SLC24A5: variants seen among roughly 807,000 people sequenced by gnomAD.
SLC24A5 encodes the protein sodium/potassium/calcium exchanger 5.
In SLC24A5, 46 loss-of-function variants were observed where a neutral mutation model predicts 51.6. That is an observed-to-expected ratio of 0.89 (90% CI 0.70 to 1.14). The LOEUF (loss-of-function observed/expected upper bound fraction) is 1.14. SLC24A5 is among the 50% of genes most tolerant of loss of function. SLC24A5 has a pLI of 0.00. For missense variants in SLC24A5, 581 were observed against 604.1 expected, an observed-to-expected ratio of 0.96 and a Z score of 0.40; for synonymous variants, 230 against 214.9, an observed-to-expected ratio of 1.07 and a Z score of -0.62.
rs752402074 is a variant in SLC24A5 at position 48,139,072 on chromosome 15, T to C, written c.975T>C (p.Cys325=). ...ITLLFLTTPD[C]RKKFWKNYFV... ...TACTTTTTCTAACCACACCAGATTG[T>C]AGAAAAAAGTTTTGGAAAAACTACT... Residue 325 remains cysteine, a synonymous_variant, in exon 7 of 9, where the codon TGT becomes TGC. Coordinates refer to ENST00000341459, the MANE Select transcript of SLC24A5 (RefSeq NM_205850.3). 15 of 1,612,968 alleles carry C rather than the reference T, an allele frequency of 9.3e-6. No homozygotes were observed. The highest frequency in any genetic ancestry group is 1.7e-5 in the Admixed American group (1 of 59,970).
At chr15:48,137,127 C>T (rs2038920773) in intron 6 of SLC24A5, 164 bp downstream of exon 6, 1 of 645,594 alleles carries the variant, frequency 1.5e-6, no homozygotes, top group African/African-American at 1.8e-5. Context: ...TCCAATATCA[C>T]AGGAAATACA....
intron 6 of SLC24A5, chr15:48,137,363 GCA>G (rs2038926721): frequency 6.1e-6 from 1 of 163,060 alleles, no homozygotes; most frequent in African/African-American, 2.4e-5. Context: ...CATAAATGAT[GCA>G]GAGATAAAAC....
chr15:48,125,226 G>A (rs2038719004), intron 2 of SLC24A5, among the ~76,000 whole-genome samples: 3 of 150,420 alleles, frequency 2.0e-5, no homozygotes, highest in Admixed American at 2.0e-4. Context: ...AGTTACTTAT[G>A]ATAAAATTAT....
chr15:48,129,450 A>G (rs1433206232), intron 2 of SLC24A5, among the ~76,000 whole-genome samples: 1 of 152,120 alleles, frequency 6.6e-6, no homozygotes, highest in Admixed American at 6.5e-5. Flanking sequence ...ATGACTACTC[A>G]CCATGGTCAC....
chr15:48,141,094 A>AAAT lies in SLC24A5; in HGVS notation c.1079-17_1079-15dup. ...GTGAATCTTTAAGATTTGTAACTTG[A>AAAT]AATATCTGTTTATTACAGGGGAAAC... On this transcript the variant is annotated intron_variant, in intron 7 of 8. Transcript: ENST00000341459. 1 of 1,580,200 alleles carries AAAT rather than the reference A, an allele frequency of 6.3e-7. No homozygotes were observed. The highest frequency in any genetic ancestry group is 8.7e-7 in the Non-Finnish European group (1 of 1,152,314).
In SLC24A5 at chr15:48,141,205, G is replaced by A. The variant is rs367783392; in HGVS notation, c.1171G>A (p.Ala391Thr). Residue 391 changes from alanine to threonine, a missense_variant, in exon 8 of 9, where the codon GCA (alanine) becomes ACA (threonine). Ala to Thr is a moderately conservative substitution (Grantham distance 58). Transcript: ENST00000341459. ...AGACACAATTGCAAGTGTGTTGGTT[G>A]CAAGAAAAGGTAAGAACTAGGTCCC... is the stretch of plus-strand genomic sequence containing the variant. ...IPDTIASVLV[A>T]RKGKGDMAMS... is the part of the protein sequence containing the mutation. 3.1e-6 allele frequency: 5 copies of A among 1,612,510 alleles called. No individual in the cohort carries two copies. The African/African-American group carries it at 6.7e-5, about 22-fold the overall frequency.
rs1042012316 is a variant in SLC24A5, at chr15:48,134,215, C to A, written c.302-43C>A. 9 of 1,531,182 alleles carry A rather than the reference C, an allele frequency of 5.9e-6. No homozygotes were observed. The African/African-American group carries it at 1.3e-4, about 22-fold the overall frequency. 94.8% of individuals were successfully genotyped at this position (1,531,182 alleles called of 1,614,324 possible). A position where few individuals can be genotyped will look rare whatever the true frequency, so the allele number is the denominator to read the frequency against. ...TTGTGTTTAGTTGTAAAGACATACT[C>A]TTTCACTTTATTAGGCATAACAATC... On this transcript the variant is annotated intron_variant, in intron 2 of 8. Coordinates refer to ENST00000341459, the MANE Select transcript of SLC24A5 (RefSeq NM_205850.3).
chr15:48,122,423 C>G, intron 2 of SLC24A5: 1 of 305,198 alleles, frequency 3.3e-6, no homozygotes, highest in Non-Finnish European at 6.0e-6. Flanking sequence ...TTTATTTTTA[C>G]TCTAAGCTCG....
At position 48,141,190 on chromosome 15, in the gene SLC24A5, G is replaced by C; in HGVS notation, c.1156G>C (p.Ala386Pro). The change falls in exon 8 of 9, where the codon GCA becomes CCA. Residue 386 changes from alanine (A) to proline (P), a missense_variant. By Grantham distance (27) the Ala-to-Pro change is conservative. Transcript: ENST00000341459. ...AGGAACAAGCATACCAGACACAATTGCAAGTGTGTTGGTTGCAAGAAAAGG... is the reference window on the plus strand; with the variant it reads ...AGGAACAAGCATACCAGACACAATTCCAAGTGTGTTGGTTGCAAGAAAAGG... ...AAGTSIPDTI[A>P]SVLVARKGKG... is the part of the protein sequence containing the mutation. 1 of 1,613,758 alleles carries C rather than the reference G, an allele frequency of 6.2e-7. No homozygotes were observed. The highest frequency in any genetic ancestry group is 1.7e-5 in the Admixed American group (1 of 60,010).
rs1251138380 is a variant in SLC24A5 at position 48,142,317 on chromosome 15, T to C, written c.1469T>C (p.Ile490Thr). ...TLSVLYELGI[I>T]GNNKIRGCGG ...TCAGTTCTATATGAACTTGGAATTA[T>C]TGGAAATAATAAAATAAGGGGCTGT... The change falls in exon 9 of 9, where the codon ATT becomes ACT. Residue 490 changes from isoleucine to threonine, a missense_variant. Coordinates refer to ENST00000341459, the MANE Select transcript of SLC24A5 (RefSeq NM_205850.3). 5.6e-6 allele frequency: 9 copies of C among 1,608,584 alleles called. No homozygotes were observed. The African/African-American group carries it at 1.2e-4, about 22-fold the overall frequency.
intron 2 of SLC24A5, among the ~76,000 whole-genome samples, chr15:48,126,080 CT>C (rs2038727877): frequency 6.6e-6 from 1 of 152,196 alleles, no homozygotes; most frequent in South Asian, 2.1e-4. Context: ...CAAACCAGTG[CT>C]CTTTCTCTTT....
chr15:48,133,015 C>T lies in SLC24A5; in HGVS notation c.302-1243C>T, dbSNP rs537800766. Among the ~76,000 whole-genome samples the T allele has an allele frequency of 2.6e-5, 4 of 152,006 alleles. No individual in the cohort carries two copies. The South Asian group carries it at 6.3e-4, about 24-fold the overall frequency. ...AAAAGGAATCAGTAAGCTCAAATGC[C>T]GTCCCAGCAGACTACAGAACAAGGT... On this transcript the variant is annotated intron_variant, in intron 2 of 8. Coordinates refer to ENST00000341459, the MANE Select transcript of SLC24A5 (RefSeq NM_205850.3).
intron 5 of SLC24A5, chr15:48,135,730 G>C (rs1249453298): frequency 6.6e-6 from 1 of 151,996 alleles, no homozygotes; most frequent in Non-Finnish European, 1.5e-5. Context: ...AAATGTAATG[G>C]TGTCCATCTG....
At chr15:48,138,064 G>A (rs1338455930) in intron 6 of SLC24A5, 1 of 151,934 alleles carries the variant, frequency 6.6e-6, no homozygotes, top group East Asian at 1.9e-4. Context: ...GGTATAAGAG[G>A]TATGCCTCTC....
At chr15:48,136,461 T>A (rs569729006) in intron 5 of SLC24A5, 111 of 314,832 alleles carry the variant, frequency 3.5e-4, no homozygotes, top group South Asian at 2.0e-3. Context: ...ATCTTGTTTT[T>A]AAAAAAAAAA....
intron 2 of SLC24A5, among the ~76,000 whole-genome samples, chr15:48,133,389 A>G (rs532628642): frequency 1.2e-4 from 18 of 152,162 alleles, no homozygotes; most frequent in Non-Finnish European, 1.9e-4. Flanking sequence ...GTTCCTTCCC[A>G]TGGTAGGTCC....
intron 5 of SLC24A5, 111 bp from the exon 6 acceptor site, chr15:48,136,572 T>G (rs2038905277): frequency 3.1e-6 from 3 of 978,602 alleles, no homozygotes; most frequent in Non-Finnish European, 4.4e-6. Context: ...AATGTTTGAT[T>G]GTTCTATGGC....
intron 5 of SLC24A5, chr15:48,135,207 T>C: frequency 2.7e-6 from 1 of 374,334 alleles, no homozygotes. Flanking sequence ...TTTCTCTCAC[T>C]AGTCACTGGA....
Position 48,121,146 on chromosome 15 carries a change from A to G in SLC24A5, c.102A>G (p.Gln34=), listed in dbSNP as rs148779787. The G allele has an allele frequency of 5.2e-5, 84 of 1,613,018 alleles. No homozygotes were observed. Among genetic ancestry groups the G allele is most frequent in the Admixed American group, 2.7e-4 (16 of 59,910 alleles). ...HLPLSGTSLP[Q]RLPRATGNST... ...CTCTCTCAGGGACCTCCCTGCCCCA[A>G]CGTCTCCCAAGGGCCACAGGTAGGT... Residue 34 remains glutamine (Q), a synonymous_variant, in exon 1 of 9, where the codon CAA becomes CAG. Coordinates refer to ENST00000341459, the MANE Select transcript of SLC24A5 (RefSeq NM_205850.3).
Sources: allele counts gnomAD v4.1 joint callset (sites outside exome capture counted in the v4.1 genomes callset), GRCh38; gene constraint gnomAD v4.1.1; transcripts MANE v1.5; gene names NCBI Gene and HGNC (gene_info 2026-07-23, HGNC 2026-07-21).